Variants in HS3ST3B1 observed in about 807,000 individuals in gnomAD.
HS3ST3B1 encodes heparan sulfate glucosamine 3-O-sulfotransferase 3B1.
HS3ST3B1 carries 13 observed loss-of-function variants against 21.3 expected under a neutral mutation model. The ratio of observed to expected loss-of-function variants is 0.61; its 90% CI spans 0.40 to 0.97. HS3ST3B1 has a LOEUF of 0.97. Ranked by LOEUF, HS3ST3B1 falls within the 50% of genes least tolerant of loss-of-function variation. The pLI, the probability that HS3ST3B1 is intolerant of heterozygous loss-of-function variation, is 0.00. For missense variants in HS3ST3B1, 459 were observed against 554.8 expected, an observed-to-expected ratio of 0.83 and a Z score of 1.73; for synonymous variants, 234 against 254.8, an observed-to-expected ratio of 0.92 and a Z score of 0.78.
chr17:14,322,597 A>G (rs1166117785), intron 1 of HS3ST3B1, among the ~76,000 whole-genome samples: 1 of 152,210 alleles, frequency 6.6e-6, no homozygotes, highest in African/African-American at 2.4e-5. Flanking sequence ...TCAATGCTTA[A>G]TAAAATATAA....
chr17:14,315,967 T>TC (rs924326142), intron 1 of HS3ST3B1, among the ~76,000 whole-genome samples: 1 of 152,162 alleles, frequency 6.6e-6, no homozygotes, highest in African/African-American at 2.4e-5. Context: ...ACCTAGCATT[T>TC]CCCCCATGAG....
chr17:14,314,005 G>A (rs563109119), intron 1 of HS3ST3B1, among the ~76,000 whole-genome samples: 4 of 151,998 alleles, frequency 2.6e-5, no homozygotes, highest in African/African-American at 9.7e-5. Flanking sequence ...TTGAGATGGA[G>A]TTTTGCTCTT....
At chr17:14,329,648 T>G (rs1157100344) in intron 1 of HS3ST3B1, among the ~76,000 whole-genome samples, 1 of 152,198 alleles carries the variant, frequency 6.6e-6, no homozygotes. Context: ...ATTCATTCAG[T>G]GATGTCAACC....
In HS3ST3B1 at chr17:14,348,635, A is replaced by G. The variant is rs1485774074; in HGVS notation, c.*2989A>G. On this transcript the variant is annotated 3_prime_UTR_variant, in exon 2 of 2. Coordinates refer to ENST00000360954, the MANE Select transcript of HS3ST3B1 (RefSeq NM_006041.3). ...ACAAACCCCCTTTTCTGTTTCGGCA[A>G]TTTGTCCTGGCACGTGTTTTGGACT... is the stretch of plus-strand genomic sequence containing the variant. 1 of 152,172 alleles carries G rather than the reference A, an allele frequency of 6.6e-6. No individual in the cohort carries two copies. The highest frequency in any genetic ancestry group is 2.4e-5 in the African/African-American group (1 of 41,430). The allele number at this position is 152,172 out of a possible 1,614,324, so 9.4% of individuals were successfully genotyped here.
chr17:14,309,902 G>A (rs897939106), intron 1 of HS3ST3B1, among the ~76,000 whole-genome samples: 2 of 152,144 alleles, frequency 1.3e-5, no homozygotes, highest in African/African-American at 4.8e-5. Context: ...TTTTGGGTCT[G>A]GGAAGCGGGA....
In HS3ST3B1 at chr17:14,341,345, C is replaced by T. The variant is rs191409879; in HGVS notation, c.555-3683C>T. On this transcript the variant is annotated intron_variant, in intron 1 of 1. Transcript: ENST00000360954. ...GGAGCCAAACCTCCCTCATTGCCCC[C>T]CTGTGGGGTAGAACTGAATGAGTGA... 1.5e-3 allele frequency among the ~76,000 whole-genome samples: 234 copies of T among 152,288 alleles called. 1 individual carries two copies. Among genetic ancestry groups the T allele is most frequent in the African/African-American group, 4.4e-3 (181 of 41,566 alleles).
chr17:14,343,091 A>G (rs9889431), intron 1 of HS3ST3B1, among the ~76,000 whole-genome samples: 4,119 of 152,110 alleles, frequency 0.027, 196 homozygotes, highest in African/African-American at 0.094. Flanking sequence ...AAAATACAAA[A>G]ATTAGCCAGG....
intron 1 of HS3ST3B1, among the ~76,000 whole-genome samples, chr17:14,324,689 C>T (rs1006977036): frequency 6.6e-6 from 1 of 152,302 alleles, no homozygotes; most frequent in South Asian, 2.1e-4. Flanking sequence ...TCATAGCTCA[C>T]TGCAGCCTCC....
intron 1 of HS3ST3B1, among the ~76,000 whole-genome samples, chr17:14,314,449 T>C (rs1337839493): frequency 1.3e-5 from 2 of 152,202 alleles, no homozygotes; most frequent in Non-Finnish European, 2.9e-5. Context: ...TGTATCCCCT[T>C]CTGGTTACCG....
chr17:14,340,035 G>A (rs974861763), intron 1 of HS3ST3B1, among the ~76,000 whole-genome samples: 4 of 152,182 alleles, frequency 2.6e-5, no homozygotes, highest in African/African-American at 9.7e-5. Flanking sequence ...AAGAAGAGCA[G>A]CCAAAGGGGC....
chr17:14,310,845 C>T (rs2142327062), intron 1 of HS3ST3B1, among the ~76,000 whole-genome samples: 1 of 152,234 alleles, frequency 6.6e-6, no homozygotes, highest in Non-Finnish European at 1.5e-5. Context: ...TGCCAGTTGA[C>T]ACAGATACAC....
chr17:14,330,084 C>T (rs35455107), intron 1 of HS3ST3B1, among the ~76,000 whole-genome samples: 4 of 152,332 alleles, frequency 2.6e-5, no homozygotes, highest in African/African-American at 7.2e-5. Flanking sequence ...CACAGCCTGA[C>T]CTTGAACTCC....
intron 1 of HS3ST3B1, among the ~76,000 whole-genome samples, chr17:14,342,767 C>G (rs1480124531): frequency 6.6e-6 from 1 of 152,038 alleles, no homozygotes; most frequent in East Asian, 1.9e-4. Context: ...GAATTTAAAC[C>G]CAGGCAGTCT....
At chr17:14,327,072 C>T (rs533538026) in intron 1 of HS3ST3B1, among the ~76,000 whole-genome samples, 15 of 151,900 alleles carry the variant, frequency 9.9e-5, no homozygotes, top group East Asian at 5.8e-4. Context: ...TCAACATAAA[C>T]GGTAAGTCCC....
At chr17:14,310,075 AG>A (rs1909259818) in intron 1 of HS3ST3B1, among the ~76,000 whole-genome samples, 1 of 152,234 alleles carries the variant, frequency 6.6e-6, no homozygotes, top group African/African-American at 2.4e-5. Flanking sequence ...CCGCAGATTC[AG>A]TGGATAACAG....
intron 1 of HS3ST3B1, among the ~76,000 whole-genome samples, chr17:14,343,057 C>T (rs1443030604): frequency 6.6e-6 from 1 of 152,074 alleles, no homozygotes; most frequent in Non-Finnish European, 1.5e-5. Flanking sequence ...TCCTGGCCAA[C>T]ATGGTGAAAC....
At chr17:14,332,487 C>A (rs1910044951) in intron 1 of HS3ST3B1, among the ~76,000 whole-genome samples, 1 of 152,024 alleles carries the variant, frequency 6.6e-6, no homozygotes, top group Non-Finnish European at 1.5e-5. Context: ...CTCCCCCATT[C>A]GCAGCTAACC....
rs147418790 is a variant in HS3ST3B1, at chr17:14,309,927, G to C, written c.554+7855G>C. On this transcript the variant is annotated intron_variant, in intron 1 of 1. Transcript: ENST00000360954. The stretch of plus-strand genomic sequence containing the variant: ...GGGAAGCGGGAGGGGTTGCTGGCAA[G>C]AAAGTGAATTCAGTTGAGTCAATTT... Among the ~76,000 whole-genome samples, 138 of 152,264 alleles carry C rather than the reference G, an allele frequency of 9.1e-4. 3 individuals carry two copies. The South Asian group carries it at 0.02, about 22-fold the overall frequency.
At position 14,313,108 on chromosome 17, in the gene HS3ST3B1, G is replaced by GTA. The variant is rs1555548199; in HGVS notation, c.554+11050_554+11051dup. ...GTGTGTGTGTGGTGTGTGTGTGTGT[G>GTA]TATATATATATATATGTGTGTGTGT... On this transcript the variant is annotated intron_variant, in intron 1 of 1. Transcript: ENST00000360954. 7.2e-4 allele frequency among the ~76,000 whole-genome samples: 53 copies of GTA among 73,700 alleles called. 2 individuals are homozygous for GTA. Among genetic ancestry groups the GTA allele is most frequent in the African/African-American group, 1.8e-3 (28 of 15,564 alleles). 48.4% of individuals were successfully genotyped at this position (73,700 alleles called of 152,430 possible).
Sources: gnomAD v4.1 joint callset for allele counts (sites outside exome capture counted in the v4.1 genomes callset) on GRCh38, gnomAD v4.1.1 for gene constraint, MANE v1.5 for transcripts, NCBI Gene and HGNC (gene_info 2026-07-23, HGNC 2026-07-21) for gene names.